Variants in FRMD6 observed in about 807,000 individuals in gnomAD.
FRMD6 encodes the protein FERM domain containing 6.
Under a neutral mutation model 73.2 loss-of-function variants are expected in FRMD6, and 37 were observed. That is an observed-to-expected ratio of 0.51 (90% CI 0.39 to 0.66). The LOEUF (loss-of-function observed/expected upper bound fraction) is 0.66, where lower values mean the gene tolerates loss of function less well. Ranked by LOEUF, FRMD6 falls within the 30% of genes least tolerant of loss-of-function variation. FRMD6 has a pLI of 0.00. For synonymous variants in FRMD6, 273 were observed against 282.2 expected (o/e 0.97, Z 0.33); for missense variants, 714 against 780.5 (o/e 0.91, Z 1.02).
At position 51,627,468 on chromosome 14, in the gene FRMD6, A is replaced by G. The variant is rs141939147; in HGVS notation, c.-147+57058A>G. Among the ~76,000 whole-genome samples, 14 of 152,340 alleles carry G rather than the reference A, an allele frequency of 9.2e-5. No homozygotes were observed. The East Asian group carries it at 2.7e-3, about 29-fold the overall frequency. Reference sequence around the variant, plus strand: ...AGCCAGAGAGGACACCCTGGTGTACAGGTGACTGAGGGACCAAGAGATGAA... The same window carrying G: ...AGCCAGAGAGGACACCCTGGTGTACGGGTGACTGAGGGACCAAGAGATGAA... On this transcript the variant is annotated intron_variant, in intron 2 of 14. Coordinates refer to the FRMD6 transcript ENST00000356218.
At chr14:51,449,512 C>T in the FRMD6 span, among the ~76,000 whole-genome samples, 1 of 152,144 alleles carries the variant, frequency 6.6e-6, no homozygotes, top group Admixed American at 6.5e-5. Flanking sequence ...AGGAGCTGGC[C>T]CACTGTTCCA....
At chr14:51,409,121 A>G in the FRMD6 span, among the ~76,000 whole-genome samples, 4 of 151,830 alleles carry the variant, frequency 2.6e-5, no homozygotes, top group Non-Finnish European at 4.4e-5. Flanking sequence ...TTTTTAGTCT[A>G]CTCCTTACCT....
intron 2 of FRMD6, 46 bp downstream of exon 2, chr14:51,689,981 C>G (rs1246306183): frequency 8.5e-7 from 1 of 1,179,070 alleles, no homozygotes; most frequent in African/African-American, 1.5e-5. Flanking sequence ...GTGTTTTCAC[C>G]AGTGGCCACA....
intron 1 of FRMD6, among the ~76,000 whole-genome samples, chr14:51,680,702 A>G (rs1214803752): frequency 6.6e-6 from 1 of 152,188 alleles, no homozygotes; most frequent in South Asian, 2.1e-4. Flanking sequence ...ATTTTTGGCT[A>G]TAGTGGGTAT....
At chr14:51,475,758 C>T in the FRMD6 span, among the ~76,000 whole-genome samples, 2 of 152,144 alleles carry the variant, frequency 1.3e-5, no homozygotes, top group Non-Finnish European at 2.9e-5. Flanking sequence ...GATGCCTTTT[C>T]CCAAACTTTT....
chr14:51,461,065 A>G, the FRMD6 span, among the ~76,000 whole-genome samples: 1 of 152,188 alleles, frequency 6.6e-6, no homozygotes, highest in Non-Finnish European at 1.5e-5. Context: ...AGGGAAACCA[A>G]TGGGATTAGC....
chr14:51,507,083 G>GACAC (rs200052672), intron 1 of FRMD6, among the ~76,000 whole-genome samples: 6,594 of 138,904 alleles, frequency 0.047, 197 homozygotes, highest in East Asian at 0.069. Context: ...TGGTTGTATA[G>GACAC]ACACACACAC....
At chr14:51,694,057 A>G (rs999850049) in intron 2 of FRMD6, among the ~76,000 whole-genome samples, 1 of 152,238 alleles carries the variant, frequency 6.6e-6, no homozygotes. Context: ...TATAACAATG[A>G]AAGTTTGTTC....
At chr14:51,628,462 A>C (rs187702702) in intron 2 of FRMD6, among the ~76,000 whole-genome samples, 51 of 152,214 alleles carry the variant, frequency 3.4e-4, no homozygotes, top group African/African-American at 1.2e-3. Flanking sequence ...ATCAATCCCC[A>C]TTCCAATCCC....
At chr14:51,644,393 T>TCA (rs1491119572) in intron 2 of FRMD6, among the ~76,000 whole-genome samples, 1 of 87,906 alleles carries the variant, frequency 1.1e-5, no homozygotes, top group Non-Finnish European at 2.9e-5. Flanking sequence ...ACACACTCAC[T>TCA]CACTCTCTCT....
the FRMD6 span, among the ~76,000 whole-genome samples, chr14:51,400,625 A>C: frequency 6.6e-6 from 1 of 152,180 alleles, no homozygotes; most frequent in Non-Finnish European, 1.5e-5. Flanking sequence ...ATTTAATAAA[A>C]TTATATAATT....
At chr14:51,664,133 C>T (rs1893413153) in intron 1 of FRMD6, among the ~76,000 whole-genome samples, 1 of 152,206 alleles carries the variant, frequency 6.6e-6, no homozygotes, top group South Asian at 2.1e-4. Context: ...TAGGTTTGAT[C>T]TGACTAGGCC....
At chr14:51,509,387 C>T (rs1055089814) in intron 1 of FRMD6, among the ~76,000 whole-genome samples, 1 of 151,870 alleles carries the variant, frequency 6.6e-6, no homozygotes, top group African/African-American at 2.4e-5. Flanking sequence ...TTTAGCCAGG[C>T]GTAGTGGCAG....
At chr14:51,532,454 GACA>G (rs1417274798) in intron 1 of FRMD6, among the ~76,000 whole-genome samples, 6 of 151,254 alleles carry the variant, frequency 4.0e-5, no homozygotes, top group South Asian at 2.1e-4. Context: ...TGATTTTGCT[GACA>G]ACAATTATAT....
intron 2 of FRMD6, among the ~76,000 whole-genome samples, chr14:51,604,216 G>A (rs1215431297): frequency 6.6e-6 from 1 of 152,166 alleles, no homozygotes; most frequent in Non-Finnish European, 1.5e-5. Context: ...TTTTCCAACA[G>A]TTCACAGTAT....
intron 1 of FRMD6, among the ~76,000 whole-genome samples, chr14:51,677,423 T>C (rs1463620263): frequency 3.9e-5 from 6 of 152,160 alleles, no homozygotes; most frequent in Admixed American, 2.6e-4. Context: ...GTCCCATGAA[T>C]GAGGGAATCA....
chr14:51,504,266 C>T (rs1883812039), intron 1 of FRMD6, among the ~76,000 whole-genome samples: 1 of 152,192 alleles, frequency 6.6e-6, no homozygotes, highest in Admixed American at 6.5e-5. Flanking sequence ...CCAGTGAAGG[C>T]TGTGAAACAG....
intron 2 of FRMD6, among the ~76,000 whole-genome samples, chr14:51,644,860 G>A (rs1046079820): frequency 2.0e-5 from 3 of 152,182 alleles, no homozygotes; most frequent in African/African-American, 4.8e-5. Flanking sequence ...ACAAGAGAGC[G>A]TATTTCCTCG....
chr14:51,646,967 C>G (rs1892104089), upstream of FRMD6, among the ~76,000 whole-genome samples: 1 of 151,878 alleles, frequency 6.6e-6, no homozygotes, highest in Admixed American at 6.6e-5. Context: ...GCCCTTCCAG[C>G]CTTATCAAAC....
Sources: allele counts gnomAD v4.1 joint callset (sites outside exome capture counted in the v4.1 genomes callset), GRCh38; gene constraint gnomAD v4.1.1; transcripts MANE v1.5; gene names NCBI Gene and HGNC (gene_info 2026-07-23, HGNC 2026-07-21).